Variants in HEMK1 observed in about 807,000 individuals in gnomAD.
HEMK1 encodes HemK methyltransferase 1, mitochondrial release factors N(5)-glutamine, also known as MTRF1L release factor glutamine methyltransferase.
A neutral mutation model predicts 47.9 loss-of-function variants in HEMK1; 36 were observed. The observed-to-expected ratio is 0.75, with a 90% CI of 0.58 to 0.99. HEMK1 has a LOEUF of 0.99. Ranked by LOEUF, HEMK1 falls within the 50% of genes least tolerant of loss-of-function variation. HEMK1 has a pLI of 0.00. For missense variants in HEMK1, 383 were observed against 434.5 expected (o/e 0.88, Z 1.05); for synonymous variants, 153 against 165.4 (o/e 0.93, Z 0.57).
At chr3:50,573,261 C>T (rs1421139132) in intron 4 of HEMK1, among the ~76,000 whole-genome samples, 1 of 152,172 alleles carries the variant, frequency 6.6e-6, no homozygotes, top group African/African-American at 2.4e-5. Context: ...CAGCTCAGAG[C>T]CCCATCCCTC....
At chr3:50,571,890 A>C (rs1701007940) in intron 3 of HEMK1, 89 bp downstream of exon 3, 1 of 1,433,682 alleles carries the variant, frequency 7.0e-7, no homozygotes, top group Non-Finnish European at 9.8e-7. Context: ...GGAGGAGGAG[A>C]ATGTCCAAGG....
rs886257272 is a variant in HEMK1 at position 50,589,054 on chromosome 3, A to C, written c.*8637A>C. 1 of 152,234 alleles carries C rather than the reference A, an allele frequency of 6.6e-6. No individual in the cohort carries two copies. Among genetic ancestry groups the C allele is most frequent in the Admixed American group, 6.5e-5 (1 of 15,282 alleles). The allele number at this position is 152,234 out of a possible 1,614,324, so 9.4% of individuals were successfully genotyped here. Reference sequence around the variant, plus strand: ...ATGAGCATCTAGTTAGCAAAAATGTATTTTGCAAGTGCAAATTCTTTCTTA... The same window carrying C: ...ATGAGCATCTAGTTAGCAAAAATGTCTTTTGCAAGTGCAAATTCTTTCTTA... On this transcript the variant is annotated 3_prime_UTR_variant, in exon 11 of 11. Coordinates refer to ENST00000232854, the MANE Select transcript of HEMK1 (RefSeq NM_016173.5).
chr3:50,571,767 T>C lies in HEMK1; in HGVS notation c.286T>C (p.Cys96Arg). 1 of 1,614,138 alleles carries C rather than the reference T, an allele frequency of 6.2e-7. No homozygotes were observed. Residue 96 changes from cysteine (C) to arginine (R), a missense_variant, in exon 3 of 11, where the codon TGT becomes CGT. By Grantham distance (180) the Cys-to-Arg change is radical. Coordinates refer to ENST00000232854, the MANE Select transcript of HEMK1 (RefSeq NM_016173.5). ...TQPLTSQQLQ[C>R]IRELSSRRLQ... The stretch of plus-strand genomic sequence containing the variant: ...GCCCTTGACCTCTCAGCAACTACAG[T>C]GTATCCGGGAGCTGAGTAGCCGTCG...
chr3:50,582,158 G>A lies in HEMK1; in HGVS notation c.*1741G>A, dbSNP rs1168536271. The stretch of plus-strand genomic sequence containing the variant: ...TCAGCCAGTCCTGGCTTCCCTGATG[G>A]TCTCTCCCTCCTGGCCTCAGGCCCA... On this transcript the variant is annotated 3_prime_UTR_variant, in exon 11 of 11. Coordinates refer to ENST00000232854, the MANE Select transcript of HEMK1 (RefSeq NM_016173.5). The A allele has an allele frequency of 6.6e-6, 1 of 152,210 alleles. No individual in the cohort carries two copies. Among genetic ancestry groups the A allele is most frequent in the South Asian group, 2.1e-4 (1 of 4,828 alleles). 9.4% of individuals were successfully genotyped at this position (152,210 alleles called of 1,614,324 possible).
Position 50,571,191 on chromosome 3 carries a change from G to A in HEMK1, c.87G>A (p.Trp29Ter). 1 of 1,613,862 alleles carries A rather than the reference G, an allele frequency of 6.2e-7. No individual in the cohort carries two copies. Among genetic ancestry groups the A allele is most frequent in the Admixed American group, 1.7e-5 (1 of 60,004 alleles). Residue 29 changes from tryptophan to a stop codon, truncating the protein, a stop_gained, in exon 2 of 11, where the codon TGG becomes TGA. Transcript: ENST00000232854. LOFTEE classifies it high-confidence loss of function. ...GSTRGWAFSS[W>*]QPQPPLAGLS... is the part of the protein sequence containing the mutation. ...CCCGGGGCTGGGCCTTCAGCTCATG[G>A]CAACCCCAACCACCTCTGGCTGGGT...
In HEMK1 at chr3:50,580,416, A is replaced by G. The variant is rs747171866; in HGVS notation, c.1016A>G (p.Ter339TrpextTer14). ...RFLHIRRSGP[*>W] Reference sequence around the variant, plus strand: ...CTGCATATCCGGAGGTCTGGGCCATAGCATGGCTGCCCTGTGGATGCCTTG... The same window carrying G: ...CTGCATATCCGGAGGTCTGGGCCATGGCATGGCTGCCCTGTGGATGCCTTG... Residue 339 changes from the stop codon to tryptophan, a stop_lost, in exon 11 of 11, where the codon TAG becomes TGG. Transcript: ENST00000232854. 6 of 1,614,100 alleles carry G rather than the reference A, an allele frequency of 3.7e-6. No individual in the cohort carries two copies. Among genetic ancestry groups the G allele is most frequent in the Non-Finnish European group, 5.1e-6 (6 of 1,179,998 alleles).
chr3:50,577,661 G>C, intron 6 of HEMK1, 88 bp downstream of exon 6: 2 of 1,458,534 alleles, frequency 1.4e-6, no homozygotes, highest in Non-Finnish European at 1.9e-6. Context: ...CTCCCAAGAA[G>C]GAGGAAGCAG....
chr3:50,578,760 C>A, intron 7 of HEMK1, 61 bp from the exon 8 acceptor site: 1 of 1,092,190 alleles, frequency 9.2e-7, no homozygotes, highest in Non-Finnish European at 1.4e-6. Context: ...GCAGGTGGAG[C>A]TATCATCCTT....
chr3:50,590,682 A>G lies in HEMK1; in HGVS notation c.*10265A>G, dbSNP rs2031675268. ...CTGCCCCAACTGCTCCAGCCCCCAT[A>G]GCCTGAGGCTCCCGGCACCTCCCAC... is the stretch of plus-strand genomic sequence containing the variant. On this transcript the variant is annotated 3_prime_UTR_variant, in exon 11 of 11. Transcript: ENST00000232854. 6.6e-6 allele frequency: 1 copy of G among 152,148 alleles called. No homozygotes were observed. The allele number at this position is 152,148 out of a possible 1,614,324, so 9.4% of individuals were successfully genotyped here.
chr3:50,577,460 C>A, intron 5 of HEMK1, 49 bp from the exon 6 acceptor site: 1 of 1,563,242 alleles, frequency 6.4e-7, no homozygotes, highest in Non-Finnish European at 8.8e-7. Context: ...TATCTTCCAG[C>A]ATCTCTCAGC....
chr3:50,577,057 G>T lies in HEMK1; in HGVS notation c.420G>T (p.Leu140=). The T allele has an allele frequency of 1.2e-6, 2 of 1,613,960 alleles. No homozygotes were observed. The highest frequency in any genetic ancestry group is 1.7e-6 in the Non-Finnish European group (2 of 1,179,946). ...VFIPRPETEE[L]VEWVLEEVAQ... ...CAGATCCCTCTGCTTCACAGGAACT[G>T]GTTGAGTGGGTGCTGGAAGAGGTGG... The change falls in exon 5 of 11, where the codon CTG becomes CTT. Residue 140 remains leucine (L), a synonymous_variant. Coordinates refer to ENST00000232854, the MANE Select transcript of HEMK1 (RefSeq NM_016173.5).
Position 50,580,839 on chromosome 3 carries a change from A to C in HEMK1, c.*422A>C, listed in dbSNP as rs1420674892. 2 of 227,698 alleles carry C rather than the reference A, an allele frequency of 8.8e-6. No individual in the cohort carries two copies. The highest frequency in any genetic ancestry group is 1.3e-4 in the East Asian group (1 of 7,992). 14.1% of individuals were successfully genotyped at this position (227,698 alleles called of 1,614,324 possible). A position where few individuals can be genotyped will look rare whatever the true frequency, so the allele number is the denominator to read the frequency against. On this transcript the variant is annotated 3_prime_UTR_variant, in exon 11 of 11. Transcript: ENST00000232854. ...TGTGGAGGAAGGCACGTGAGTCCTC[A>C]CTCCTGGCCTTGGATACCATGGGTC...
rs564596137 is a variant in HEMK1 at position 50,592,533 on chromosome 3, C to T, written c.*12116C>T. On this transcript the variant is annotated 3_prime_UTR_variant, in exon 11 of 11. Transcript: ENST00000232854. ...CTCTGGAACTTTCCCCTGTTGCCAG[C>T]CTCCCTCCAGCATCTGTCCCCTCAT... The T allele has an allele frequency of 7.2e-5, 11 of 152,402 alleles. No individual in the cohort carries two copies. Among genetic ancestry groups the T allele is most frequent in the African/African-American group, 1.9e-4 (8 of 41,562 alleles). 9.4% of individuals were successfully genotyped at this position (152,402 alleles called of 1,614,324 possible). A position where few individuals can be genotyped will look rare whatever the true frequency, so the allele number is the denominator to read the frequency against.
rs1401844506 is a variant in HEMK1 at position 50,587,581 on chromosome 3, C to T, written c.*7164C>T. 1 of 152,252 alleles carries T rather than the reference C, an allele frequency of 6.6e-6. No homozygotes were observed. The allele number at this position is 152,252 out of a possible 1,614,324, so 9.4% of individuals were successfully genotyped here. A position where few individuals can be genotyped will look rare whatever the true frequency, so the allele number is the denominator to read the frequency against. ...GAGCTGGAGGCCTTAGTCATCACAC[C>T]AGGCTTGAGGAGGGGCGGATAGGAC... On this transcript the variant is annotated 3_prime_UTR_variant, in exon 11 of 11. Coordinates refer to ENST00000232854, the MANE Select transcript of HEMK1 (RefSeq NM_016173.5). This position sits in a 1 kb window ranked among gnomAD's most constrained non-coding sequence, Gnocchi z 4.2.
At position 50,580,513 on chromosome 3, in the gene HEMK1, C is replaced by A; in HGVS notation, c.*96C>A. 6.3e-6 allele frequency: 8 copies of A among 1,265,286 alleles called. No homozygotes were observed. The highest frequency in any genetic ancestry group is 9.1e-6 in the Non-Finnish European group (8 of 881,630). 78.4% of individuals were successfully genotyped at this position (1,265,286 alleles called of 1,614,324 possible). ...GAGCCCAGGTTCTTATGGCATTTCCCAGGGTTCTGTGATTTCCCCATGCTC... is the reference window on the plus strand; with the variant it reads ...GAGCCCAGGTTCTTATGGCATTTCCAAGGGTTCTGTGATTTCCCCATGCTC... On this transcript the variant is annotated 3_prime_UTR_variant, in exon 11 of 11. Coordinates refer to ENST00000232854, the MANE Select transcript of HEMK1 (RefSeq NM_016173.5).
At position 50,587,533 on chromosome 3, in the gene HEMK1, TCTGGCATAGG is replaced by T. The variant is rs1409549805; in HGVS notation, c.*7120_*7129del. 6.6e-6 allele frequency: 1 copy of T among 152,350 alleles called. No homozygotes were observed. The highest frequency in any genetic ancestry group is 1.5e-5 in the Non-Finnish European group (1 of 68,140). The allele number at this position is 152,350 out of a possible 1,614,324, so 9.4% of individuals were successfully genotyped here. A position where few individuals can be genotyped will look rare whatever the true frequency, so the allele number is the denominator to read the frequency against. On this transcript the variant is annotated 3_prime_UTR_variant, in exon 11 of 11. Coordinates refer to ENST00000232854, the MANE Select transcript of HEMK1 (RefSeq NM_016173.5). This position sits in a 1 kb window ranked among gnomAD's most constrained non-coding sequence, Gnocchi z 4.2. ...GCTCATAGGCTGGCTGAGCTGTGATTCTGGCATAGGCTGAGTGACCTGGAGCTGGAGGCCT... is the reference window on the plus strand; with the variant it reads ...GCTCATAGGCTGGCTGAGCTGTGATTCTGAGTGACCTGGAGCTGGAGGCCT...
At position 50,580,933 on chromosome 3, in the gene HEMK1, T is replaced by G; in HGVS notation, c.*516T>G. ...CTGCCCTGGGTGCATGCGTACACAA[T>G]TCCCTGGCCAAGCCTGGCTCGAGCA... is the stretch of plus-strand genomic sequence containing the variant. On this transcript the variant is annotated 3_prime_UTR_variant, in exon 11 of 11. Coordinates refer to ENST00000232854, the MANE Select transcript of HEMK1 (RefSeq NM_016173.5). 6.3e-6 allele frequency: 1 copy of G among 157,756 alleles called. No homozygotes were observed. The highest frequency in any genetic ancestry group is 1.4e-5 in the Non-Finnish European group (1 of 71,698). 9.8% of individuals were successfully genotyped at this position (157,756 alleles called of 1,614,324 possible). A position where few individuals can be genotyped will look rare whatever the true frequency, so the allele number is the denominator to read the frequency against.
intron 8 of HEMK1, 70 bp downstream of exon 8, chr3:50,578,996 C>G (rs2030295600): frequency 4.3e-6 from 5 of 1,150,556 alleles, no homozygotes; most frequent in Non-Finnish European, 6.3e-6. Flanking sequence ...CCCTCGAGGA[C>G]CACACCATCT....
intron 7 of HEMK1, among the ~76,000 whole-genome samples, 186 bp downstream of exon 7, chr3:50,578,061 G>C (rs940829799): frequency 6.6e-6 from 1 of 152,202 alleles, no homozygotes; most frequent in Admixed American, 6.5e-5. Context: ...GCTGAGGACA[G>C]ACAAGGTGCT....
Sources: gnomAD v4.1 joint callset for allele counts (sites outside exome capture counted in the v4.1 genomes callset) on GRCh38, gnomAD v4.1.1 for gene constraint, Gnocchi (gnomAD v3.1) non-coding constraint, MANE v1.5 for transcripts, NCBI Gene and HGNC (gene_info 2026-07-23, HGNC 2026-07-21) for gene names.